Variants in PYROXD1 observed in about 807,000 individuals in gnomAD.
PYROXD1 encodes the protein tRNA ligase complex-associated NAD(P)H dehydrogenase PYROXD1.
PYROXD1 carries 42 observed loss-of-function variants against 62.0 expected under a neutral mutation model. The ratio of observed to expected loss-of-function variants is 0.68; its 90% confidence interval spans 0.53 to 0.88. The LOEUF (loss-of-function observed/expected upper bound fraction) is 0.88, where lower values mean the gene tolerates loss of function less well. Among genes scored for constraint, PYROXD1 ranks in the 40% least tolerant of loss-of-function variants. The pLI, the probability that PYROXD1 is intolerant of heterozygous loss-of-function variation, is 0.00. For synonymous variants in PYROXD1, 170 were observed against 206.4 expected (o/e 0.82, Z 1.51); for missense variants, 493 against 604.8 (o/e 0.82, Z 1.94).
chr12:21,467,209 A>G (rs1942812262), intron 10 of PYROXD1: 2 of 272,870 alleles, frequency 7.3e-6, no homozygotes, highest in African/African-American at 2.2e-5. Context: ...CTCACCTGGT[A>G]TAGCTTAATA....
chr12:21,441,780 A>G (rs1255808399), intron 2 of PYROXD1, among the ~76,000 whole-genome samples: 2 of 152,198 alleles, frequency 1.3e-5, no homozygotes, highest in African/African-American at 2.4e-5. Context: ...TTGGTGGCAT[A>G]TCTTCTTGGT....
chr12:21,467,311 C>G, intron 10 of PYROXD1, 170 bp from the exon 11 acceptor site: 1 of 523,472 alleles, frequency 1.9e-6, no homozygotes, highest in Non-Finnish European at 3.3e-6. Context: ...ATAGAATTAA[C>G]AAATACCAAA....
intron 3 of PYROXD1, among the ~76,000 whole-genome samples, chr12:21,448,565 A>T (rs1942435187): frequency 6.6e-6 from 1 of 152,242 alleles, no homozygotes; most frequent in Non-Finnish European, 1.5e-5. Flanking sequence ...TACATGGATT[A>T]TGCTATGCTG....
chr12:21,461,218 T>G (rs868368156), intron 8 of PYROXD1, 64 bp downstream of exon 8: 16 of 967,058 alleles, frequency 1.7e-5, no homozygotes, highest in Middle Eastern at 2.7e-4. Context: ...AATTTAATCC[T>G]GCTGTGTTCT....
At chr12:21,456,558 C>G (rs1942600968) in intron 7 of PYROXD1, among the ~76,000 whole-genome samples, 1 of 152,138 alleles carries the variant, frequency 6.6e-6, no homozygotes, top group African/African-American at 2.4e-5. Flanking sequence ...GCTTAATATG[C>G]TAACAATCAT....
At chr12:21,446,612 A>C (rs1942393966) in intron 3 of PYROXD1, among the ~76,000 whole-genome samples, 1 of 151,860 alleles carries the variant, frequency 6.6e-6, no homozygotes, top group Admixed American at 6.6e-5. Context: ...ATAGTCAAAA[A>C]TTATGTGAAG....
At chr12:21,462,632 A>C in intron 9 of PYROXD1, 108 bp from the exon 10 acceptor site, 1 of 1,259,960 alleles carries the variant, frequency 7.9e-7, no homozygotes, top group Non-Finnish European at 1.1e-6. Context: ...TTTTCTCATT[A>C]AAGATGAGCA....
At chr12:21,456,852 TTCA>T (rs989518781) in intron 7 of PYROXD1, 3 of 454,554 alleles carry the variant, frequency 6.6e-6, no homozygotes, top group African/African-American at 6.0e-5. Context: ...TTTTAAATCC[TTCA>T]TCATTTCAGC....
chr12:21,467,750 T>G (rs1197904190), intron 11 of PYROXD1, 132 bp downstream of exon 11: 31 of 706,312 alleles, frequency 4.4e-5, no homozygotes. Flanking sequence ...ATTTTTCATT[T>G]CTTACAAACC....
In PYROXD1 at chr12:21,471,120, A is replaced by C; in HGVS notation, c.*2366A>C. On this transcript the variant is annotated 3_prime_UTR_variant, in exon 12 of 12. Coordinates refer to ENST00000240651, the MANE Select transcript of PYROXD1 (RefSeq NM_024854.5). ...TTCTCTGCAGAAAATAAAGGCCAAC[A>C]ATAAGAAAGCTTTTGAAGGAATCAC... 6.5e-7 allele frequency: 1 copy of C among 1,549,562 alleles called. No individual in the cohort carries two copies. Among genetic ancestry groups the C allele is most frequent in the Non-Finnish European group, 8.6e-7 (1 of 1,158,062 alleles).
At chr12:21,445,576 TG>T (rs1401656769) in intron 3 of PYROXD1, 110 bp downstream of exon 3, 1 of 1,134,812 alleles carries the variant, frequency 8.8e-7, no homozygotes. Context: ...GTTTTTAACA[TG>T]TAAAGTTTAG....
chr12:21,467,737 G>A, intron 11 of PYROXD1, 119 bp downstream of exon 11: 1 of 794,128 alleles, frequency 1.3e-6, no homozygotes, highest in Non-Finnish European at 2.0e-6. Context: ...ACAAAAAAAT[G>A]ACATTTTTCA....
chr12:21,440,221 A>G (rs1942267725), intron 1 of PYROXD1, 147 bp from the exon 2 acceptor site: 9 of 522,326 alleles, frequency 1.7e-5, no homozygotes, highest in Admixed American at 3.8e-5. Context: ...ACCAAGGATA[A>G]TGGAGACCTT....
intron 8 of PYROXD1, among the ~76,000 whole-genome samples, chr12:21,461,614 T>C (rs1458228882): frequency 6.6e-6 from 1 of 152,198 alleles, no homozygotes; most frequent in Admixed American, 6.5e-5. Flanking sequence ...TTTGAATTTT[T>C]CCATAGGAAA....
chr12:21,437,939 C>T (rs1942222424), intron 1 of PYROXD1, 125 bp downstream of exon 1: 3 of 822,352 alleles, frequency 3.6e-6, no homozygotes, highest in South Asian at 3.6e-5. Flanking sequence ...CCCTTTTCCG[C>T]ACTTATTGCT....
intron 10 of PYROXD1, 59 bp downstream of exon 10, chr12:21,462,921 G>A (rs1591955637): frequency 1.3e-6 from 2 of 1,531,360 alleles, no homozygotes; most frequent in East Asian, 2.4e-5. Flanking sequence ...AAATAAAGCG[G>A]TTGTTACCAA....
rs749371939 is a variant in PYROXD1 at position 21,449,597 on chromosome 12, A to G, written c.320A>G (p.Tyr107Cys). ...ACAGAAGATGGCAATCAGCACGTAT[A>G]TAAGAAACTCTGTCTGTGTGCTGGA... ...IVTEDGNQHV[Y>C]KKLCLCAGAK... is the part of the protein sequence containing the mutation. Residue 107 changes from tyrosine to cysteine, a missense_variant, in exon 4 of 12, where the codon TAT becomes TGT. Coordinates refer to ENST00000240651, the MANE Select transcript of PYROXD1 (RefSeq NM_024854.5). 2 of 1,613,422 alleles carry G rather than the reference A, an allele frequency of 1.2e-6. No individual in the cohort carries two copies. Among genetic ancestry groups the G allele is most frequent in the Non-Finnish European group, 1.7e-6 (2 of 1,179,564 alleles).
chr12:21,449,811 C>G, intron 4 of PYROXD1, 120 bp downstream of exon 4: 1 of 751,072 alleles, frequency 1.3e-6, no homozygotes, highest in Admixed American at 2.8e-5. Context: ...TGTTTCATGA[C>G]CAGTAAACCA....
chr12:21,438,212 C>T, intron 1 of PYROXD1: 1 of 164,310 alleles, frequency 6.1e-6, no homozygotes, highest in Admixed American at 6.2e-5. Context: ...GCGATCTTGG[C>T]TTAATGCAAG....
Sources: allele counts gnomAD v4.1 joint callset (sites outside exome capture counted in the v4.1 genomes callset), GRCh38; gene constraint gnomAD v4.1.1; transcripts MANE v1.5; gene names NCBI Gene and HGNC (gene_info 2026-07-23, HGNC 2026-07-21).